Variants in SPG7 observed in about 807,000 individuals in gnomAD.
The protein encoded by SPG7 is SPG7 matrix AAA peptidase subunit, paraplegin, also known as mitochondrial inner membrane m-AAA protease component paraplegin.
In SPG7, 103 loss-of-function variants were observed where a neutral mutation model predicts 81.9. The ratio of observed to expected loss-of-function variants is 1.26; its 90% confidence interval spans 1.07 to 1.48. The LOEUF is 1.48. Ranked by LOEUF, SPG7 falls within the 40% of genes most tolerant of loss-of-function variation. The pLI, the probability that SPG7 is intolerant of heterozygous loss-of-function variation, is 0.00. For missense variants in SPG7, 1,241 were observed against 1,087.3 expected (o/e 1.14, Z -1.99); for synonymous variants, 534 against 444.2 (o/e 1.20, Z -2.54).
At chr16:89,536,620 G>C in intron 9 of SPG7, 1 of 921,884 alleles carries the variant, frequency 1.1e-6, no homozygotes, top group Non-Finnish European at 1.7e-6. Flanking sequence ...GGGTGAGGCG[G>C]GTGAGGGCGG....
chr16:89,524,880 C>T (rs922312243), intron 4 of SPG7, among the ~76,000 whole-genome samples: 4 of 151,878 alleles, frequency 2.6e-5, no homozygotes, highest in African/African-American at 9.7e-5. Context: ...TGGAAATGAC[C>T]GTGGCCTCCA....
intron 2 of SPG7, 49 bp from the exon 3 acceptor site, chr16:89,512,899 C>G (rs1406205959): frequency 6.2e-7 from 1 of 1,605,612 alleles, no homozygotes; most frequent in Non-Finnish European, 8.5e-7. Context: ...GTATGCCTCC[C>G]CTGTGGTTGC....
intron 5 of SPG7, 166 bp downstream of exon 5, chr16:89,526,634 A>G: frequency 1.4e-6 from 1 of 727,130 alleles, no homozygotes; most frequent in Non-Finnish European, 2.4e-6. Context: ...ATGCCAGGAG[A>G]TTTGGAAATA....
At chr16:89,544,132 A>G (rs2058534358) in intron 9 of SPG7, 1 of 207,434 alleles carries the variant, frequency 4.8e-6, no homozygotes, top group Non-Finnish European at 9.9e-6. Flanking sequence ...AGGGCCAGTC[A>G]AGGTTCACAT....
At chr16:89,511,095 C>T (rs2058015686) in intron 2 of SPG7, among the ~76,000 whole-genome samples, 1 of 152,182 alleles carries the variant, frequency 6.6e-6, no homozygotes, top group Non-Finnish European at 1.5e-5. Context: ...GCCTTGGCCT[C>T]CCAAAGTGTT....
chr16:89,545,509 G>A (rs191168894), intron 10 of SPG7: 1 of 189,958 alleles, frequency 5.3e-6, no homozygotes, highest in Non-Finnish European at 1.1e-5. Context: ...TTCCCGCTGG[G>A]ACACGGCTTC....
At chr16:89,520,552 A>G (rs1437610357) in intron 3 of SPG7, 1 of 152,996 alleles carries the variant, frequency 6.5e-6, no homozygotes, top group Admixed American at 6.5e-5. Flanking sequence ...GCGTGGTACC[A>G]CGCCCAGCTA....
intron 9 of SPG7, chr16:89,538,250 CAAAG>C (rs1350048114): frequency 6.6e-6 from 1 of 152,096 alleles, no homozygotes; most frequent in East Asian, 1.9e-4. Flanking sequence ...AGACATCCCT[CAAAG>C]AAAGCACGAG....
At chr16:89,538,131 G>A (rs1474323920) in intron 9 of SPG7, 5 of 152,152 alleles carry the variant, frequency 3.3e-5, no homozygotes, top group African/African-American at 1.2e-4. Flanking sequence ...TGCCGGGAGC[G>A]GGATGGGGAT....
At chr16:89,548,349 G>A (rs2058592261) in intron 12 of SPG7, 2 of 495,698 alleles carry the variant, frequency 4.0e-6, no homozygotes, top group Non-Finnish European at 3.6e-6. Flanking sequence ...AAAATGCCTT[G>A]CCAAAGAAAG....
intron 3 of SPG7, chr16:89,518,214 C>G (rs1190806589): frequency 6.6e-6 from 1 of 152,204 alleles, no homozygotes; most frequent in Non-Finnish European, 1.5e-5. Context: ...GATGAAGATT[C>G]TTTTGCCACC....
rs201129878 is a variant in SPG7 at position 89,532,548 on chromosome 16, G to A, written c.1236G>A (p.Ala412=). Residue 412 remains alanine (A), a synonymous_variant, in exon 9 of 17, where the codon GCG becomes GCA. Coordinates refer to ENST00000645818, the MANE Select transcript of SPG7 (RefSeq NM_003119.4). ...TCGTCTACATCGATGAGATCGACGC[G>A]GTGGGCAAGAAGCGCTCCACCACCA... is the stretch of plus-strand genomic sequence containing the variant. The part of the protein sequence containing the change: ...PCIVYIDEID[A]VGKKRSTTMS... The A allele has an allele frequency of 1.2e-4, 196 of 1,613,666 alleles. No individual in the cohort carries two copies. Among genetic ancestry groups the A allele is most frequent in the Non-Finnish European group, 1.6e-4 (184 of 1,180,046 alleles).
At chr16:89,512,073 G>A (rs551566225) in intron 2 of SPG7, among the ~76,000 whole-genome samples, 3 of 151,984 alleles carry the variant, frequency 2.0e-5, no homozygotes, top group South Asian at 2.1e-4. Flanking sequence ...CACTATGCCC[G>A]GCTAATTTTT....
intron 9 of SPG7, chr16:89,532,850 A>G (rs562864097): frequency 6.2e-5 from 36 of 581,408 alleles, no homozygotes; most frequent in Non-Finnish European, 6.8e-5. Flanking sequence ...TTGGGAGGCC[A>G]AGACAGGCGG....
chr16:89,508,975 A>G (rs1567892226), intron 1 of SPG7: 1 of 487,164 alleles, frequency 2.1e-6, no homozygotes. Context: ...CAGGAATTCC[A>G]GCGCCTTCCA....
intron 16 of SPG7, 33 bp from the exon 17 acceptor site, chr16:89,556,854 G>A (rs1485454814): frequency 6.5e-7 from 1 of 1,529,380 alleles, no homozygotes. Context: ...TCTGCCCTGG[G>A]GACTCACACA....
intron 1 of SPG7, among the ~76,000 whole-genome samples, chr16:89,509,643 C>A (rs1242524648): frequency 1.3e-5 from 2 of 152,178 alleles, no homozygotes; most frequent in African/African-American, 4.8e-5. Context: ...AAATGTTCTA[C>A]AAGGAGCCAC....
intron 12 of SPG7, 64 bp from the exon 13 acceptor site, chr16:89,550,430 C>T (rs1397515653): frequency 1.7e-6 from 2 of 1,195,996 alleles, no homozygotes; most frequent in African/African-American, 1.5e-5. Context: ...GCCTTGGCCT[C>T]CCACAGCGCT....
rs1272120539 is a variant in SPG7, at chr16:89,524,005, G to C, written c.377-1G>C. 1.2e-6 allele frequency: 2 copies of C among 1,612,230 alleles called. No individual in the cohort carries two copies. Among genetic ancestry groups the C allele is most frequent in the Admixed American group, 3.3e-5 (2 of 60,006 alleles). ...TCCCTTTTGCTTCTCTGCCGGCTCA[G>C]AGGAGAGGAGACGCCGTGAGCGGGA... is the stretch of plus-strand genomic sequence containing the variant. On this transcript the variant is annotated splice_acceptor_variant, in intron 3 of 16. Transcript: ENST00000645818. LOFTEE classifies it high-confidence loss of function.
Sources: gnomAD v4.1 joint callset for allele counts (sites outside exome capture counted in the v4.1 genomes callset) on GRCh38, gnomAD v4.1.1 for gene constraint, MANE v1.5 for transcripts, NCBI Gene and HGNC (gene_info 2026-07-23, HGNC 2026-07-21) for gene names.